The following CNTNAP1 variants were observed in gnomAD, a reference collection of about 807,000 sequenced individuals.
CNTNAP1 encodes contactin-associated protein 1.
Under a neutral mutation model 161.5 loss-of-function variants are expected in CNTNAP1, and 80 were observed. That is an observed-to-expected ratio of 0.50 (90% CI 0.41 to 0.60). The LOEUF (loss-of-function observed/expected upper bound fraction) is 0.60, where lower values mean the gene tolerates loss of function less well. Among genes scored for constraint, CNTNAP1 ranks in the 20% least tolerant of loss-of-function variants. The pLI, the probability that CNTNAP1 is intolerant of heterozygous loss-of-function variation, is 0.00. For missense variants in CNTNAP1, 1,464 were observed against 1,854.8 expected (o/e 0.79, Z 3.87); for synonymous variants, 695 against 733.1 (o/e 0.95, Z 0.84).
At position 42,698,736 on chromosome 17, in the gene CNTNAP1, T is replaced by A. The variant is rs1446216140; in HGVS notation, c.3981T>A (p.His1327Gln). 1 of 1,613,332 alleles carries A rather than the reference T, an allele frequency of 6.2e-7. No individual in the cohort carries two copies. Among genetic ancestry groups the A allele is most frequent in the Non-Finnish European group, 8.5e-7 (1 of 1,179,920 alleles). Residue 1327 changes from histidine to glutamine, a missense_variant, in exon 24 of 24, where the codon CAT (histidine) becomes CAA (glutamine). This residue lies in a region of CNTNAP1 where 1,383 missense variants were observed against 1,765.0 expected (regional missense o/e 0.78). Coordinates refer to ENST00000264638, the MANE Select transcript of CNTNAP1 (RefSeq NM_003632.3). ...TNEPKAAHEYHPGSKPPLPTS... is the reference protein window; with the variant it reads ...TNEPKAAHEYQPGSKPPLPTS... The stretch of plus-strand genomic sequence containing the variant: ...AGCCCAAGGCTGCCCACGAGTACCA[T>A]CCTGGCAGCAAACCTCCCCTACCCA...
chr17:42,687,525 G>A lies in CNTNAP1; in HGVS notation c.1045-195G>A, dbSNP rs1388046883. The A allele has an allele frequency of 1.5e-6, 1 of 650,622 alleles. No homozygotes were observed. The highest frequency in any genetic ancestry group is 1.8e-5 in the African/African-American group (1 of 54,652). The allele number at this position is 650,622 out of a possible 1,614,324, so 40.3% of individuals were successfully genotyped here. On this transcript the variant is annotated intron_variant, in intron 7 of 23. Transcript: ENST00000264638. The surrounding 1 kb of genome is among the most constrained non-coding windows in gnomAD (Gnocchi z 4.7). ...GAGAGCAAGCGAGCAGAGTTCCGAG[G>A]GCCGACTGGGTTGGGGCCCCCTCCA...
chr17:42,687,229 T>G lies in CNTNAP1; in HGVS notation c.1044+183T>G. 1.4e-6 allele frequency: 1 copy of G among 724,776 alleles called. No individual in the cohort carries two copies. Among genetic ancestry groups the G allele is most frequent in the Non-Finnish European group, 2.2e-6 (1 of 458,416 alleles). The allele number at this position is 724,776 out of a possible 1,614,324, so 44.9% of individuals were successfully genotyped here. A position where few individuals can be genotyped will look rare whatever the true frequency, so the allele number is the denominator to read the frequency against. On this transcript the variant is annotated intron_variant, in intron 7 of 23. Coordinates refer to ENST00000264638, the MANE Select transcript of CNTNAP1 (RefSeq NM_003632.3). This position sits in a 1 kb window ranked among gnomAD's most constrained non-coding sequence, Gnocchi z 4.7. Reference sequence around the variant, plus strand: ...GTGCATGAGCCACGCAGGCCCCTAGTTAAGAAGCAGTGGTCGGGTCCAATC... The same window carrying G: ...GTGCATGAGCCACGCAGGCCCCTAGGTAAGAAGCAGTGGTCGGGTCCAATC...
In CNTNAP1 at chr17:42,695,689, G is replaced by T; in HGVS notation, c.3161G>T (p.Gly1054Val). 1.2e-6 allele frequency: 2 copies of T among 1,614,138 alleles called. No individual in the cohort carries two copies. Among genetic ancestry groups the T allele is most frequent in the Non-Finnish European group, 1.7e-6 (2 of 1,180,030 alleles). The stretch of plus-strand genomic sequence containing the variant: ...CCGGGCTATGTGCCTGGCTACCATG[G>T]CCCCGGGTACCGCCTGCCCGACTAC... ...DTPGYVPGYH[G>V]PGYRLPDYPR... is the part of the protein sequence containing the mutation. Residue 1054 changes from glycine (G) to valine (V), a missense_variant, in exon 19 of 24, where the codon GGC becomes GTC. Physicochemically the swap from Gly to Val is moderately radical, Grantham distance 109. Coordinates refer to ENST00000264638, the MANE Select transcript of CNTNAP1 (RefSeq NM_003632.3).
rs150167601 is a variant in CNTNAP1, at chr17:42,695,869, A to G, written c.3341A>G (p.Asp1114Gly). ...VRDYMAVLIK[D>G]DGTLQLRYQL... ...GACTACATGGCTGTGCTCATCAAGG[A>G]TGATGGTAAGCTCTCCCGGGCTCTC... The change falls in exon 19 of 24, where the codon GAT (aspartate) becomes GGT (glycine). Residue 1114 changes from aspartate to glycine, a missense_variant. Physicochemically the swap from Asp to Gly is moderately conservative, Grantham distance 94. Transcript: ENST00000264638. 7.7e-5 allele frequency: 124 copies of G among 1,610,964 alleles called. No homozygotes were observed. The African/African-American group carries it at 1.5e-3, about 20-fold the overall frequency.
rs1213239725 is a variant in CNTNAP1, at chr17:42,688,596, T to C, written c.1441T>C (p.Ser481Pro). ...CCCGTTGCTGATCCGGACAGGGACC[T>C]CATATTTCTTTGGGGGTAAGTGGGG... ...SYPLLIRTGT[S>P]YFFGGCPKPA... Residue 481 changes from serine to proline, a missense_variant, in exon 9 of 24, where the codon TCA becomes CCA. This residue lies in a region of CNTNAP1 where 1,383 missense variants were observed against 1,765.0 expected (regional missense o/e 0.78). Coordinates refer to ENST00000264638, the MANE Select transcript of CNTNAP1 (RefSeq NM_003632.3). 7 of 1,614,010 alleles carry C rather than the reference T, an allele frequency of 4.3e-6. No individual in the cohort carries two copies. The highest frequency in any genetic ancestry group is 1.7e-5 in the Admixed American group (1 of 59,998).
rs370604328 is a variant in CNTNAP1, at chr17:42,688,992, C to G, written c.1573C>G (p.Arg525Gly). ...QLVNLTLVEG[R>G]RLGFYAEVLF... ...GGTCAACCTGACTCTGGTGGAGGGC[C>G]GGCGGCTTGGATTCTATGCTGAGGT... is the stretch of plus-strand genomic sequence containing the variant. The change falls in exon 10 of 24, where the codon CGG (arginine) becomes GGG (glycine). Residue 525 changes from arginine to glycine, a missense_variant. Around this residue, in one of 3 missense-constraint regions of CNTNAP1, gnomAD observed 1,383 missense variants for 1,765.0 expected, o/e 0.78. Transcript: ENST00000264638. The G allele has an allele frequency of 1.2e-6, 2 of 1,611,822 alleles. No individual in the cohort carries two copies. The highest frequency in any genetic ancestry group is 1.1e-5 in the South Asian group (1 of 90,770).
intron 3 of CNTNAP1, 126 bp from the exon 4 acceptor site, chr17:42,684,865 C>T (rs575824715): frequency 2.0e-5 from 22 of 1,086,306 alleles, no homozygotes; most frequent in Non-Finnish European, 2.3e-5. Context: ...GCAGAGGTTG[C>T]GGTGAGCCGA....
In CNTNAP1 at chr17:42,693,438, G is replaced by A. The variant is rs760960237; in HGVS notation, c.2894G>A (p.Arg965Gln). The A allele has an allele frequency of 1.3e-5, 21 of 1,614,060 alleles. No individual in the cohort carries two copies. The highest frequency in any genetic ancestry group is 2.7e-5 in the African/African-American group (2 of 74,930). Residue 965 changes from arginine to glutamine, a missense_variant, in exon 18 of 24, where the codon CGG becomes CAG. Coordinates refer to ENST00000264638, the MANE Select transcript of CNTNAP1 (RefSeq NM_003632.3). ...PNCTGHCAHP[R>Q]LPCFHGGRCV... is the part of the protein sequence containing the mutation. ...TGCACAGGCCACTGTGCCCACCCTC[G>A]GCTCCCCTGTTTCCATGGAGGCCGC... is the stretch of plus-strand genomic sequence containing the variant.
At chr17:42,686,195 G>A in intron 6 of CNTNAP1, 54 bp downstream of exon 6, 5 of 1,555,218 alleles carry the variant, frequency 3.2e-6, no homozygotes, top group Non-Finnish European at 3.5e-6. Context: ...GGATGAGTGA[G>A]TGCAGGTCGG....
At chr17:42,683,112 A>C in intron 1 of CNTNAP1, 2 of 614,198 alleles carry the variant, frequency 3.3e-6, no homozygotes, top group Non-Finnish European at 5.6e-6. Flanking sequence ...TGGGAAGAGG[A>C]TGAAGTCAGC....
Position 42,699,050 on chromosome 17 carries a change from G to C in CNTNAP1, c.*140G>C. ...TATTCCCCCATCCCCCCCCCATCAAGTTTGGTGGGCAGAGCTACAGATGGG... is the reference window on the plus strand; with the variant it reads ...TATTCCCCCATCCCCCCCCCATCAACTTTGGTGGGCAGAGCTACAGATGGG... On this transcript the variant is annotated 3_prime_UTR_variant, in exon 24 of 24. Transcript: ENST00000264638. The C allele has an allele frequency of 1.5e-6, 1 of 672,080 alleles. No individual in the cohort carries two copies. The highest frequency in any genetic ancestry group is 2.4e-6 in the Non-Finnish European group (1 of 425,110). The allele number at this position is 672,080 out of a possible 1,614,324, so 41.6% of individuals were successfully genotyped here.
In CNTNAP1 at chr17:42,685,182, C is replaced by T. The variant is rs188166956; in HGVS notation, c.512-35C>T. The T allele has an allele frequency of 1.2e-6, 2 of 1,611,438 alleles. No homozygotes were observed. The highest frequency in any genetic ancestry group is 2.2e-5 in the East Asian group (1 of 44,830). ...CGGAGGGGGCCTGGGAGACAGCCTC[C>T]CCAGTTCCCGGCCCACCTACGGTCC... On this transcript the variant is annotated intron_variant, in intron 4 of 23. Transcript: ENST00000264638. This position sits in a 1 kb window ranked among gnomAD's most constrained non-coding sequence, Gnocchi z 5.0.
intron 1 of CNTNAP1, chr17:42,683,276 G>A: frequency 1.1e-6 from 1 of 924,630 alleles, no homozygotes; most frequent in Admixed American, 4.7e-5. Flanking sequence ...GGTGGGGTTT[G>A]TGGCTAGGGC....
chr17:42,690,830 C>A lies in CNTNAP1; in HGVS notation c.1947C>A (p.Ile649=). 3 of 1,614,224 alleles carry A rather than the reference C, an allele frequency of 1.9e-6. No individual in the cohort carries two copies. The highest frequency in any genetic ancestry group is 3.3e-5 in the Admixed American group (2 of 60,030). ...SSMERPFLGA[I]QYWNASWEEV... ...TGGAGCGGCCATTCCTGGGGGCTAT[C>A]CAGTACTGGAATGCATCCTGGGAGG... The change falls in exon 13 of 24, where the codon ATC becomes ATA. Residue 649 remains isoleucine (I), a synonymous_variant. Coordinates refer to ENST00000264638, the MANE Select transcript of CNTNAP1 (RefSeq NM_003632.3).
chr17:42,698,444 A>AATGT (rs2053178183), intron 23 of CNTNAP1, among the ~76,000 whole-genome samples, 174 bp from the exon 24 acceptor site: 1 of 135,016 alleles, frequency 7.4e-6, no homozygotes, highest in East Asian at 2.3e-4. Context: ...GCCAAAAGTA[A>AATGT]ATGTGTGTGT....
rs1471702270 is a variant in CNTNAP1 at position 42,685,113 on chromosome 17, G to A, written c.486G>A (p.Arg162=). The change falls in exon 4 of 24, where the codon AGG becomes AGA. Residue 162 remains arginine (R), a synonymous_variant. Coordinates refer to ENST00000264638, the MANE Select transcript of CNTNAP1 (RefSeq NM_003632.3). The surrounding 1 kb of genome is among the most constrained non-coding windows in gnomAD (Gnocchi z 5.0). ...ACCCACGCGGCAAGATCGGCCTGAG[G>A]CTCGGCCTCTATGGCTGCCCATACA... ...AWNPRGKIGL[R]LGLYGCPYKA... is the part of the protein sequence containing the mutation. 1 of 1,583,752 alleles carries A rather than the reference G, an allele frequency of 6.3e-7. No homozygotes were observed. The highest frequency in any genetic ancestry group is 1.7e-5 in the Admixed American group (1 of 58,164).
At chr17:42,695,895 T>C in intron 19 of CNTNAP1, 21 bp downstream of exon 19, 1 of 1,603,810 alleles carries the variant, frequency 6.2e-7, no homozygotes, top group Non-Finnish European at 8.5e-7. Context: ...CCGGGCTCTC[T>C]CACCCCACTC....
At position 42,695,595 on chromosome 17, in the gene CNTNAP1, G is replaced by C; in HGVS notation, c.3067G>C (p.Glu1023Gln). ...GTCAGCGCTGCGCTCTGCAGCCAGG[G>C]AGTTCTCCCACATGCTGAGCCGGCC... ...LQSALRSAAR[E>Q]FSHMLSRPVP... Residue 1023 changes from glutamate to glutamine, a missense_variant, in exon 19 of 24, where the codon GAG becomes CAG. Glu to Gln is a conservative substitution (Grantham distance 29). Transcript: ENST00000264638. 1.2e-6 allele frequency: 2 copies of C among 1,614,154 alleles called. No individual in the cohort carries two copies. Among genetic ancestry groups the C allele is most frequent in the African/African-American group, 2.7e-5 (2 of 75,030 alleles).
At chr17:42,684,329 G>C (rs2052977862) in intron 3 of CNTNAP1, 100 bp downstream of exon 3, 2 of 1,184,216 alleles carry the variant, frequency 1.7e-6, no homozygotes, top group East Asian at 2.3e-5. Context: ...GTGGTGGTGA[G>C]GGCTCGGACA....
Sources: gnomAD v4.1 joint callset for allele counts (sites outside exome capture counted in the v4.1 genomes callset) on GRCh38, gnomAD v4.1.1 for gene constraint, gnomAD v4.1.1 regional missense constraint, Gnocchi (gnomAD v3.1) non-coding constraint, MANE v1.5 for transcripts, NCBI Gene and HGNC (gene_info 2026-07-23, HGNC 2026-07-21) for gene names.